MYB: variants seen among roughly 807,000 people sequenced by gnomAD.
MYB encodes the protein MYB proto-oncogene, transcription factor.
Under a neutral mutation model 92.9 loss-of-function variants are expected in MYB, and 28 were observed. The observed-to-expected ratio is 0.30, with a 90% CI of 0.22 to 0.41. The LOEUF is 0.41. Ranked by LOEUF, MYB falls within the 10% of genes least tolerant of loss-of-function variation. The pLI, the probability that MYB is intolerant of heterozygous loss-of-function variation, is 1.00. For missense variants in MYB, 679 were observed against 929.3 expected, an observed-to-expected ratio of 0.73 and a Z score of 3.50; for synonymous variants, 295 against 329.1, an observed-to-expected ratio of 0.90 and a Z score of 1.12.
At chr6:135,207,739 T>C (rs1178089153) in intron 15 of MYB, among the ~76,000 whole-genome samples, 1 of 149,378 alleles carries the variant, frequency 6.7e-6, no homozygotes, top group Non-Finnish European at 1.5e-5. Context: ...CCTCATCTCT[T>C]TTTTTTTTTT....
intron 10 of MYB, among the ~76,000 whole-genome samples, chr6:135,198,418 G>A (rs1430732390): frequency 3.9e-5 from 6 of 152,190 alleles, no homozygotes; most frequent in African/African-American, 1.4e-4. Context: ...GGAACACCTA[G>A]TTTTTTCCCA....
At position 135,193,838 on chromosome 6, in the gene MYB, G is replaced by A. The variant is rs142284572; in HGVS notation, c.763G>A (p.Val255Ile). ...SYYHISEAQN[V>I]SSHVPYPVAL... Reference sequence around the variant, plus strand: ...CCTTTGTTTTGTCTTTTGCATCTAGGTCTCCAGTCATGTTCCATACCCTGT... The same window carrying A: ...CCTTTGTTTTGTCTTTTGCATCTAGATCTCCAGTCATGTTCCATACCCTGT... Residue 255 changes from valine (V) to isoleucine (I), a missense_variant and splice_region_variant, in exon 7 of 16, where the codon GTC becomes ATC. By Grantham distance (29) the Val-to-Ile change is conservative (BLOSUM62 3). This residue lies in a region of MYB where 43 missense variants were observed against 87.9 expected (regional missense o/e 0.49). Transcript: ENST00000341911. 1.1e-5 allele frequency: 18 copies of A among 1,608,718 alleles called. No homozygotes were observed. The African/African-American group carries it at 2.0e-4, about 18-fold the overall frequency.
intron 15 of MYB, among the ~76,000 whole-genome samples, chr6:135,207,729 C>G (rs1779131222): frequency 6.9e-6 from 1 of 145,510 alleles, no homozygotes; most frequent in South Asian, 2.2e-4. Context: ...GCCATATTTA[C>G]CTCATCTCTT....
intron 1 of MYB, among the ~76,000 whole-genome samples, chr6:135,185,527 C>T (rs1179882540): frequency 1.3e-5 from 2 of 152,116 alleles, no homozygotes; most frequent in East Asian, 3.9e-4. Flanking sequence ...TTTGAGTGTG[C>T]ACTTATATAA....
chr6:135,206,229 AATAAT>A (rs1360171688), intron 15 of MYB, among the ~76,000 whole-genome samples: 12 of 121,496 alleles, frequency 9.9e-5, no homozygotes, highest in African/African-American at 3.7e-4. Context: ...AAAAAAAAAT[AATAAT>A]AATAATAATA....
rs376828862 is a variant in MYB at position 135,199,598 on chromosome 6, A to G, written c.1710-487A>G. On this transcript the variant is annotated intron_variant, in intron 11 of 15. Transcript: ENST00000341911. ...AAGGGATGAGTAAGCAGTCATTTTT[A>G]TTCAATAAAGCCTTAATCAATTCAG... 1.4e-5 allele frequency: 14 copies of G among 1,002,104 alleles called. No homozygotes were observed. The South Asian group carries it at 2.5e-4, about 18-fold the overall frequency. The allele number at this position is 1,002,104 out of a possible 1,614,324, so 62.1% of individuals were successfully genotyped here.
intron 15 of MYB, among the ~76,000 whole-genome samples, chr6:135,210,098 C>T (rs768658662): frequency 1.6e-4 from 25 of 152,318 alleles, no homozygotes; most frequent in African/African-American, 4.6e-4. Flanking sequence ...CTTTCCTCAG[C>T]GTGCTTTCCA....
rs1775312544 is a variant in MYB, at chr6:135,182,982, A to T, written c.23+1446A>T. 6.9e-6 allele frequency among the ~76,000 whole-genome samples: 1 copy of T among 145,056 alleles called. No individual in the cohort carries two copies. The highest frequency in any genetic ancestry group is 1.5e-5 in the Non-Finnish European group (1 of 66,640). On this transcript the variant is annotated intron_variant, in intron 1 of 15. Coordinates refer to ENST00000341911, the MANE Select transcript of MYB (RefSeq NM_001130173.2). This position sits in a 1 kb window ranked among gnomAD's most constrained non-coding sequence, Gnocchi z 5.6. ...CTCCACTTTTCGCCTTTAGGACTTC[A>T]CAGGACAGCTACCGGGGTCATCTGT... is the stretch of plus-strand genomic sequence containing the variant.
intron 9 of MYB, among the ~76,000 whole-genome samples, chr6:135,196,445 G>A (rs544423498): frequency 6.6e-6 from 1 of 152,172 alleles, no homozygotes; most frequent in African/African-American, 2.4e-5. Context: ...CTTACTCAGA[G>A]CTGAAAGCAA....
At chr6:135,189,639 A>G in intron 3 of MYB, 152 bp from the exon 4 acceptor site, 1 of 602,164 alleles carries the variant, frequency 1.7e-6, no homozygotes, top group Non-Finnish European at 2.9e-6. Flanking sequence ...TGTAGCCTGT[A>G]AGTAATGAGG....
rs552608964 is a variant in MYB, at chr6:135,196,585, T to C, written c.1204-376T>C. 6.2e-5 allele frequency: 28 copies of C among 449,148 alleles called. 2 individuals carry two copies. The highest frequency in any genetic ancestry group is 5.6e-4 in the South Asian group (28 of 50,440). 27.8% of individuals were successfully genotyped at this position (449,148 alleles called of 1,614,324 possible). A position where few individuals can be genotyped will look rare whatever the true frequency, so the allele number is the denominator to read the frequency against. ...TCATCTTTCGTGAAACAAATTTGTA[T>C]TCAGCACCTCCTCAGCGAACACTTG... On this transcript the variant is annotated intron_variant, in intron 9 of 15. Transcript: ENST00000341911.
Position 135,195,861 on chromosome 6 carries a change from T to G in MYB, c.1062T>G (p.Thr354=). 5 of 1,614,090 alleles carry G rather than the reference T, an allele frequency of 3.1e-6. No homozygotes were observed. Among genetic ancestry groups the G allele is most frequent in the Non-Finnish European group, 4.2e-6 (5 of 1,180,012 alleles). ...CCTGTTTGGGAGAACACCACTCCAC[T>G]CCATCTCTGCCAGCGGATCCTGGCT... ...PVSCLGEHHS[T]PSLPADPGSL... Residue 354 remains threonine, a synonymous_variant, in exon 9 of 16, where the codon ACT becomes ACG. Transcript: ENST00000341911.
intron 8 of MYB, 168 bp downstream of exon 8, chr6:135,194,628 T>C: frequency 1.7e-6 from 1 of 584,684 alleles, no homozygotes; most frequent in Non-Finnish European, 3.0e-6. Flanking sequence ...TCAGATTATA[T>C]GCTGATTAAA....
chr6:135,194,424 A>C lies in MYB; in HGVS notation c.912A>C (p.Ser304=). The C allele has an allele frequency of 6.2e-7, 1 of 1,614,044 alleles. No individual in the cohort carries two copies. Among genetic ancestry groups the C allele is most frequent in the South Asian group, 1.1e-5 (1 of 91,078 alleles). Residue 304 remains serine, a synonymous_variant, in exon 8 of 16, where the codon TCA becomes TCC. Coordinates refer to ENST00000341911, the MANE Select transcript of MYB (RefSeq NM_001130173.2). ...RIKELELLLM[S]TENELKGQQV... is the part of the protein sequence containing the mutation. The stretch of plus-strand genomic sequence containing the variant: ...AGGAATTAGAATTGCTCCTAATGTC[A>C]ACCGAGAATGAGCTAAAAGGACAGC...
intron 2 of MYB, 90 bp downstream of exon 2, chr6:135,186,110 C>A: frequency 1.9e-6 from 2 of 1,053,098 alleles, no homozygotes; most frequent in Non-Finnish European, 2.8e-6. Context: ...GGTGCTCAAG[C>A]TCATTAGCAG....
chr6:135,208,407 G>A lies in MYB; in HGVS notation c.2169+5083G>A, dbSNP rs180892970. On this transcript the variant is annotated intron_variant, in intron 15 of 15. Transcript: ENST00000341911. ...TTTATTTTTTATTTTTTTGAGACAAGGCCTTGCTCTGTCACCCAGGCTGGA... is the reference window on the plus strand; with the variant it reads ...TTTATTTTTTATTTTTTTGAGACAAAGCCTTGCTCTGTCACCCAGGCTGGA... 1.2e-3 allele frequency among the ~76,000 whole-genome samples: 162 copies of A among 138,518 alleles called. 1 individual carries two copies. The highest frequency in any genetic ancestry group is 7.0e-3 in the Admixed American group (99 of 14,118). 90.9% of individuals were successfully genotyped at this position (138,518 alleles called of 152,430 possible). A position where few individuals can be genotyped will look rare whatever the true frequency, so the allele number is the denominator to read the frequency against.
rs981250210 is a variant in MYB at position 135,195,136 on chromosome 6, G to A, written c.949-612G>A. On this transcript the variant is annotated intron_variant, in intron 8 of 15. Transcript: ENST00000341911. ...TTGTTAAATAATAAGATGTTTATGT[G>A]CACATGCTAGTTCGACCACTTTTTA... is the stretch of plus-strand genomic sequence containing the variant. The A allele has an allele frequency of 1.3e-4, 160 of 1,207,338 alleles. No homozygotes were observed. In the African/African-American group the frequency reaches 2.0e-3, roughly 15 times the overall value. The allele number at this position is 1,207,338 out of a possible 1,614,324, so 74.8% of individuals were successfully genotyped here.
intron 15 of MYB, among the ~76,000 whole-genome samples, chr6:135,213,503 A>G (rs553417710): frequency 3.9e-5 from 6 of 152,252 alleles, no homozygotes; most frequent in Middle Eastern, 6.8e-3. Flanking sequence ...AAATAGATTC[A>G]GTTGATAATA....
In MYB at chr6:135,218,140, T is replaced by G. The variant is rs1057212671; in HGVS notation, c.*160T>G. On this transcript the variant is annotated 3_prime_UTR_variant, in exon 16 of 16. Coordinates refer to ENST00000341911, the MANE Select transcript of MYB (RefSeq NM_001130173.2). ...CAAGTGCATTTAGTTGAATGAAGTCTTCTTGGATTTCACCCAACTAAAAGG... is the reference window on the plus strand; with the variant it reads ...CAAGTGCATTTAGTTGAATGAAGTCGTCTTGGATTTCACCCAACTAAAAGG... The G allele has an allele frequency of 3.5e-6, 2 of 568,774 alleles. No homozygotes were observed. Among genetic ancestry groups the G allele is most frequent in the Non-Finnish European group, 6.2e-6 (2 of 324,252 alleles). 35.2% of individuals were successfully genotyped at this position (568,774 alleles called of 1,614,324 possible). A position where few individuals can be genotyped will look rare whatever the true frequency, so the allele number is the denominator to read the frequency against.
Sources: allele counts gnomAD v4.1 joint callset (sites outside exome capture counted in the v4.1 genomes callset), GRCh38; gene constraint gnomAD v4.1.1; regional missense constraint gnomAD v4.1.1; non-coding constraint Gnocchi (gnomAD v3.1); transcripts MANE v1.5; gene names NCBI Gene and HGNC (gene_info 2026-07-23, HGNC 2026-07-21).